SLC6A5: variants seen among roughly 807,000 people sequenced by gnomAD.
SLC6A5 encodes the protein solute carrier family 6 member 5, also known as sodium- and chloride-dependent glycine transporter 2.
Under a neutral mutation model 90.5 loss-of-function variants are expected in SLC6A5, and 58 were observed. That is an observed-to-expected ratio of 0.64 (90% CI 0.52 to 0.80). The LOEUF (loss-of-function observed/expected upper bound fraction) is 0.80. Ranked by LOEUF, SLC6A5 falls within the 30% of genes least tolerant of loss-of-function variation. The pLI is 0.00. For synonymous variants in SLC6A5, 427 were observed against 401.4 expected, an observed-to-expected ratio of 1.06 and a Z score of -0.76; for missense variants, 1,015 against 1,017.6, an observed-to-expected ratio of 1.00 and a Z score of 0.03.
intron 7 of SLC6A5, among the ~76,000 whole-genome samples, chr11:20,619,660 T>C (rs1852852830): frequency 1.3e-5 from 2 of 152,102 alleles, no homozygotes; most frequent in African/African-American, 2.4e-5. Context: ...GAAAAGCACA[T>C]TTTCCTAGCT....
chr11:20,649,886 G>A (rs898908191), intron 14 of SLC6A5, among the ~76,000 whole-genome samples: 1 of 152,196 alleles, frequency 6.6e-6, no homozygotes, highest in Non-Finnish European at 1.5e-5. Flanking sequence ...TGTTTAAAAA[G>A]GGGCCTAGAG....
Position 20,655,816 on chromosome 11 carries a change from T to C in SLC6A5, c.*948T>C, listed in dbSNP as rs920346956. 1 of 152,234 alleles carries C rather than the reference T, an allele frequency of 6.6e-6. No homozygotes were observed. The highest frequency in any genetic ancestry group is 2.4e-5 in the African/African-American group (1 of 41,472). The allele number at this position is 152,234 out of a possible 1,614,324, so 9.4% of individuals were successfully genotyped here. On this transcript the variant is annotated 3_prime_UTR_variant, in exon 16 of 16. Transcript: ENST00000525748. ...CCTGGTTCTGTCTATATATTATATATATAGGACACATGCTCTTAAAAGACA... is the reference window on the plus strand; with the variant it reads ...CCTGGTTCTGTCTATATATTATATACATAGGACACATGCTCTTAAAAGACA...
rs1011666334 is a variant in SLC6A5, at chr11:20,602,919, C to T, written c.540+1254C>T. Among the ~76,000 whole-genome samples, 6 of 152,228 alleles carry T rather than the reference C, an allele frequency of 3.9e-5. No homozygotes were observed. In the East Asian group the frequency reaches 5.8e-4, roughly 15 times the overall value. On this transcript the variant is annotated intron_variant, in intron 2 of 15. Transcript: ENST00000525748. Reference sequence around the variant, plus strand: ...TGTTTCACTTGTCTTGCTTAACCTCCGCACTGCGGCAGAAGGAGCTGGAAC... The same window carrying T: ...TGTTTCACTTGTCTTGCTTAACCTCTGCACTGCGGCAGAAGGAGCTGGAAC...
intron 9 of SLC6A5, among the ~76,000 whole-genome samples, chr11:20,628,554 C>T (rs1315241172): frequency 6.6e-6 from 1 of 152,186 alleles, no homozygotes; most frequent in Non-Finnish European, 1.5e-5. Context: ...AAGGCCCTAT[C>T]TCCAAATACA....
At chr11:20,648,637 C>G (rs767714090) in intron 14 of SLC6A5, among the ~76,000 whole-genome samples, 19 of 152,128 alleles carry the variant, frequency 1.2e-4, no homozygotes, top group Non-Finnish European at 2.9e-5. Flanking sequence ...TCCGGTGTTC[C>G]CATCTCTACT....
intron 7 of SLC6A5, among the ~76,000 whole-genome samples, chr11:20,626,382 C>T (rs962142673): frequency 2.0e-5 from 3 of 151,788 alleles, no homozygotes; most frequent in Non-Finnish European, 4.4e-5. Context: ...GCACAGAGCC[C>T]CCCTCCCTCC....
chr11:20,622,479 T>C (rs1170745285), intron 7 of SLC6A5, among the ~76,000 whole-genome samples: 1 of 152,204 alleles, frequency 6.6e-6, no homozygotes, highest in Non-Finnish European at 1.5e-5. Flanking sequence ...TACACATTTC[T>C]CATCATGTGG....
At chr11:20,645,080 TGG>T (rs1427673759) in intron 13 of SLC6A5, among the ~76,000 whole-genome samples, 1 of 152,124 alleles carries the variant, frequency 6.6e-6, no homozygotes, top group Non-Finnish European at 1.5e-5. Flanking sequence ...CCCAAAATGC[TGG>T]GATTACAGGA....
chr11:20,626,709 T>C lies in SLC6A5; in HGVS notation c.1262T>C (p.Val421Ala). The change falls in exon 8 of 16, where the codon GTG becomes GCG. Residue 421 changes from valine (V) to alanine (A), a missense_variant and splice_region_variant. Val to Ala is a moderately conservative substitution (Grantham distance 64). Coordinates refer to ENST00000525748, the MANE Select transcript of SLC6A5 (RefSeq NM_004211.5). ...LAKGIKTSGKVVYFTATFPYV... is the reference protein window; with the variant it reads ...LAKGIKTSGKAVYFTATFPYV... ...CCCCTCTGCCCATGGCTTTTCTAGG[T>C]GGTGTACTTCACGGCCACGTTCCCG... 6.2e-7 allele frequency: 1 copy of C among 1,614,006 alleles called. No individual in the cohort carries two copies.
At chr11:20,626,593 C>T (rs1318607282) in intron 7 of SLC6A5, 115 bp from the exon 8 acceptor site, 3 of 1,174,844 alleles carry the variant, frequency 2.6e-6, no homozygotes, top group African/African-American at 1.5e-5. Context: ...GGGACAACTA[C>T]CCTGATGTGC....
At position 20,604,369 on chromosome 11, in the gene SLC6A5, A is replaced by G. The variant is rs772807274; in HGVS notation, c.624A>G (p.Ala208=). The change falls in exon 3 of 16, where the codon GCA becomes GCG. Residue 208 remains alanine, a synonymous_variant. Transcript: ENST00000525748. ...LDFILSMVGY[A]VGLGNVWRFP... ...TCATCCTGTCCATGGTGGGGTACGC[A>G]GTGGGGCTGGGCAATGTCTGGAGGT... The G allele has an allele frequency of 6.2e-7, 1 of 1,613,980 alleles. No individual in the cohort carries two copies.
intron 1 of SLC6A5, among the ~76,000 whole-genome samples, chr11:20,600,892 T>C (rs1387538564): frequency 1.3e-5 from 2 of 152,194 alleles, no homozygotes; most frequent in Admixed American, 1.3e-4. Flanking sequence ...CCTCTTTTCT[T>C]AGTTCATCCT....
At chr11:20,628,320 A>T (rs1352594946) in intron 9 of SLC6A5, among the ~76,000 whole-genome samples, 5 of 152,160 alleles carry the variant, frequency 3.3e-5, no homozygotes, top group African/African-American at 1.2e-4. Context: ...TATTTACAGG[A>T]TGGAAGCAAG....
At chr11:20,626,308 T>C (rs1344444411) in intron 7 of SLC6A5, among the ~76,000 whole-genome samples, 2 of 152,168 alleles carry the variant, frequency 1.3e-5, no homozygotes, top group Non-Finnish European at 2.9e-5. Flanking sequence ...TAAACAGGGA[T>C]GGAAAGCTTA....
intron 1 of SLC6A5, among the ~76,000 whole-genome samples, chr11:20,600,074 G>T (rs1852429245): frequency 1.3e-5 from 2 of 152,134 alleles, no homozygotes; most frequent in Non-Finnish European, 2.9e-5. Context: ...GGGGTTAGAC[G>T]AGAGGAGTGC....
chr11:20,599,678 G>A lies in SLC6A5; in HGVS notation c.3+3G>A, dbSNP rs753096365. The A allele has an allele frequency of 9.3e-6, 15 of 1,613,968 alleles. No individual in the cohort carries two copies. The South Asian group carries it at 1.3e-4, about 14-fold the overall frequency. On this transcript the variant is annotated splice_donor_region_variant and intron_variant, in intron 1 of 15. Coordinates refer to ENST00000525748, the MANE Select transcript of SLC6A5 (RefSeq NM_004211.5). Reference sequence around the variant, plus strand: ...GTCTGTTGCCTGTGTCAGACATGGTGAGTGTTTGCTTTTGTTCTTTCAAGA... The same window carrying A: ...GTCTGTTGCCTGTGTCAGACATGGTAAGTGTTTGCTTTTGTTCTTTCAAGA...
At chr11:20,625,417 A>G (rs1174393714) in intron 7 of SLC6A5, among the ~76,000 whole-genome samples, 1 of 152,092 alleles carries the variant, frequency 6.6e-6, no homozygotes, top group Admixed American at 6.6e-5. Flanking sequence ...GCCTGCCACC[A>G]CACCCGGCTA....
chr11:20,652,213 C>G, intron 14 of SLC6A5, 76 bp from the exon 15 acceptor site: 1 of 1,319,204 alleles, frequency 7.6e-7, no homozygotes, highest in Non-Finnish European at 1.1e-6. Flanking sequence ...AAACTCATAA[C>G]GGGGGTTTAA....
At position 20,614,760 on chromosome 11, in the gene SLC6A5, T is replaced by C. The variant is rs1377673506; in HGVS notation, c.1067T>C (p.Met356Thr). The C allele has an allele frequency of 2.5e-6, 4 of 1,613,936 alleles. No individual in the cohort carries two copies. Among genetic ancestry groups the C allele is most frequent in the Non-Finnish European group, 1.7e-6 (2 of 1,179,790 alleles). ...ATGACCGCTTATCCCAACGTGACAA[T>C]GGTTAATTTCACCAGCCAGGCCAAT... Reference protein sequence around the residue: ...FCMTAYPNVTMVNFTSQANKT... With the variant: ...FCMTAYPNVTTVNFTSQANKT... The change falls in exon 6 of 16, where the codon ATG (methionine) becomes ACG (threonine). Residue 356 changes from methionine (M) to threonine (T), a missense_variant. Physicochemically the swap from Met to Thr is moderately conservative, Grantham distance 81 (BLOSUM62 -1). Around this residue, in one of 3 missense-constraint regions of SLC6A5, gnomAD observed 567 missense variants for 507.3 expected, o/e 1.12. Transcript: ENST00000525748.
Sources: gnomAD v4.1 joint callset for allele counts (sites outside exome capture counted in the v4.1 genomes callset) on GRCh38, gnomAD v4.1.1 for gene constraint, gnomAD v4.1.1 regional missense constraint, MANE v1.5 for transcripts, NCBI Gene and HGNC (gene_info 2026-07-23, HGNC 2026-07-21) for gene names.